IL6ST: variants seen among roughly 807,000 people sequenced by gnomAD.
The protein encoded by IL6ST is interleukin 6 cytokine family signal transducer, also known as interleukin-6 receptor subunit beta.
A neutral mutation model predicts 91.3 loss-of-function variants in IL6ST; 24 were observed. That is an observed-to-expected ratio of 0.26 (90% CI 0.19 to 0.37). IL6ST has a LOEUF of 0.37. IL6ST is among the 10% of genes least tolerant of loss of function. IL6ST has a pLI of 1.00. For synonymous variants in IL6ST, 351 were observed against 373.6 expected, an observed-to-expected ratio of 0.94 and a Z score of 0.70; for missense variants, 914 against 1,078.5, an observed-to-expected ratio of 0.85 and a Z score of 2.14.
At chr5:55,952,403 G>T in intron 11 of IL6ST, 52 bp from the exon 12 acceptor site, 2 of 970,394 alleles carry the variant, frequency 2.1e-6, no homozygotes, top group Non-Finnish European at 3.2e-6. Context: ...AAAAAGTCAA[G>T]TTAATACCGT....
intron 4 of IL6ST, among the ~76,000 whole-genome samples, chr5:55,968,661 C>A (rs9292106): frequency 0.085 from 12,904 of 152,150 alleles, 1,849 homozygotes; most frequent in African/African-American, 0.29. Flanking sequence ...AATCAACTTT[C>A]ATTTATAACT....
intron 8 of IL6ST, among the ~76,000 whole-genome samples, chr5:55,957,913 A>G (rs185780339): frequency 6.6e-6 from 1 of 152,374 alleles, no homozygotes; most frequent in Admixed American, 6.5e-5. Flanking sequence ...GCTGAAAATC[A>G]AACTGGAAAA....
intron 8 of IL6ST, among the ~76,000 whole-genome samples, chr5:55,960,071 A>C (rs2111742542): frequency 6.6e-6 from 1 of 152,038 alleles, no homozygotes; most frequent in East Asian, 1.9e-4. Context: ...TTTTTAATAG[A>C]GAAGGGGTTT....
rs1465629454 is a variant in IL6ST at position 55,941,764 on chromosome 5, C to T, written c.2075G>A (p.Ser692Asn). The change falls in exon 17 of 17, where the codon AGT becomes AAT. Residue 692 changes from serine (S) to asparagine (N), a missense_variant. Ser to Asn is a conservative substitution (Grantham distance 46). Coordinates refer to ENST00000381298, the MANE Select transcript of IL6ST (RefSeq NM_002184.4). ...MYSDGNFTDV[S>N]VVEIEANDKK... ...GTCATTTGCTTCTATTTCCACAACACTTACATCAGTGAAATTGCCATCTGA... is the reference window on the plus strand; with the variant it reads ...GTCATTTGCTTCTATTTCCACAACATTTACATCAGTGAAATTGCCATCTGA... The T allele has an allele frequency of 1.2e-6, 2 of 1,613,596 alleles. No homozygotes were observed. The highest frequency in any genetic ancestry group is 1.7e-6 in the Non-Finnish European group (2 of 1,179,720).
intron 5 of IL6ST, among the ~76,000 whole-genome samples, chr5:55,967,386 T>C (rs1398465129): frequency 6.9e-6 from 1 of 144,764 alleles, no homozygotes; most frequent in East Asian, 2.1e-4. Flanking sequence ...TATAACAGTT[T>C]AACAACTGAA....
chr5:55,942,997 C>CA (rs2111599324), intron 15 of IL6ST, among the ~76,000 whole-genome samples: 1 of 152,174 alleles, frequency 6.6e-6, no homozygotes, highest in Non-Finnish European at 1.5e-5. Context: ...AATCAGTGTT[C>CA]AAATTTTTTT....
chr5:55,981,432 C>T (rs979614913), intron 2 of IL6ST, among the ~76,000 whole-genome samples: 2 of 152,124 alleles, frequency 1.3e-5, no homozygotes, highest in Non-Finnish European at 2.9e-5. Flanking sequence ...ATGACAAGGT[C>T]AGGAGTTCAA....
chr5:55,980,352 C>T (rs1238487861), intron 2 of IL6ST, among the ~76,000 whole-genome samples: 1 of 152,158 alleles, frequency 6.6e-6, no homozygotes, highest in Admixed American at 6.5e-5. Flanking sequence ...GAGTTCCAGA[C>T]CAGCCTGGCC....
rs771343969 is a variant in IL6ST at position 55,954,875 on chromosome 5, T to C, written c.1385A>G (p.Asp462Gly). 1.9e-6 allele frequency: 3 copies of C among 1,613,726 alleles called. No individual in the cohort carries two copies. The highest frequency in any genetic ancestry group is 4.5e-5 in the East Asian group (2 of 44,872). Residue 462 changes from aspartate to glycine, a missense_variant, in exon 11 of 17, where the codon GAT becomes GGT. Transcript: ENST00000381298. Reference sequence around the variant, plus strand: ...CCAGTCTGTGATACAGGGTGCTTTATCTGATAACACACACCACTCAAGTAT... The same window carrying C: ...CCAGTCTGTGATACAGGGTGCTTTACCTGATAACACACACCACTCAAGTAT... ...KYILEWCVLS[D>G]KAPCITDWQQ... is the part of the protein sequence containing the mutation.
At chr5:55,977,997 T>A (rs1042951088) in intron 2 of IL6ST, among the ~76,000 whole-genome samples, 4 of 142,448 alleles carry the variant, frequency 2.8e-5, no homozygotes, top group South Asian at 2.2e-4. Context: ...AAATTCTATT[T>A]AAAAAAAAAA....
At chr5:55,968,539 G>T (rs1436981953) in intron 4 of IL6ST, 143 bp from the exon 5 acceptor site, 1 of 674,556 alleles carries the variant, frequency 1.5e-6, no homozygotes. Flanking sequence ...ATGAAAGGCT[G>T]ATGACAATTT....
At chr5:55,977,957 C>G (rs1331887974) in intron 2 of IL6ST, among the ~76,000 whole-genome samples, 1 of 151,740 alleles carries the variant, frequency 6.6e-6, no homozygotes, top group African/African-American at 2.4e-5. Flanking sequence ...TGAGATGGCA[C>G]CACTGCACTC....
In IL6ST at chr5:55,947,595, A is replaced by T. The variant is rs1751351096; in HGVS notation, c.1841-6T>A. The T allele has an allele frequency of 4.5e-6, 4 of 893,870 alleles. No individual in the cohort carries two copies. The highest frequency in any genetic ancestry group is 6.2e-6 in the Non-Finnish European group (4 of 649,196). 55.4% of individuals were successfully genotyped at this position (893,870 alleles called of 1,614,324 possible). On this transcript the variant is annotated splice_region_variant and splice_polypyrimidine_tract_variant and intron_variant, in intron 14 of 16. Coordinates refer to ENST00000381298, the MANE Select transcript of IL6ST (RefSeq NM_002184.4). ...GGCTTCAATTTCTCCTTGAGCTTAAAAAAAAAAAAAAAAAAAAAAAAAGAG... is the reference window on the plus strand; with the variant it reads ...GGCTTCAATTTCTCCTTGAGCTTAATAAAAAAAAAAAAAAAAAAAAAAGAG...
intron 2 of IL6ST, among the ~76,000 whole-genome samples, chr5:55,977,792 C>T (rs1753396806): frequency 6.6e-6 from 1 of 152,034 alleles, no homozygotes; most frequent in African/African-American, 2.4e-5. Flanking sequence ...TGCCACTGGA[C>T]TCCAGCATGG....
At chr5:55,946,746 G>C (rs965853593) in intron 15 of IL6ST, among the ~76,000 whole-genome samples, 2 of 151,712 alleles carry the variant, frequency 1.3e-5, no homozygotes, top group Non-Finnish European at 2.9e-5. Flanking sequence ...GAACTCAGGA[G>C]GTAGAGGTTG....
At chr5:55,969,997 G>T in intron 3 of IL6ST, 142 bp from the exon 4 acceptor site, 2 of 530,900 alleles carry the variant, frequency 3.8e-6, no homozygotes, top group South Asian at 3.4e-5. Context: ...ATACACAACT[G>T]AAAATTAATA....
rs746268250 is a variant in IL6ST at position 55,955,002 on chromosome 5, A to G, written c.1268-10T>C. ...ATTACAGGGTGAGTAGCTTTAAAACAAAGTTTGAATATTGAAATAATAAAT... is the reference window on the plus strand; with the variant it reads ...ATTACAGGGTGAGTAGCTTTAAAACGAAGTTTGAATATTGAAATAATAAAT... On this transcript the variant is annotated splice_polypyrimidine_tract_variant and intron_variant, in intron 10 of 16. Coordinates refer to ENST00000381298, the MANE Select transcript of IL6ST (RefSeq NM_002184.4). 4.5e-6 allele frequency: 7 copies of G among 1,552,768 alleles called. No homozygotes were observed. The highest frequency in any genetic ancestry group is 1.4e-5 in the African/African-American group (1 of 72,374).
intron 4 of IL6ST, 111 bp from the exon 5 acceptor site, chr5:55,968,507 C>T: frequency 2.0e-6 from 2 of 994,840 alleles, no homozygotes; most frequent in South Asian, 3.0e-5. Context: ...AAAATCAAAC[C>T]CAAGCAAAAA....
chr5:55,968,624 T>C (rs1752776624), intron 4 of IL6ST, among the ~76,000 whole-genome samples: 1 of 152,210 alleles, frequency 6.6e-6, no homozygotes, highest in East Asian at 1.9e-4. Flanking sequence ...CATCAACTGG[T>C]TTGTTTCACA....
Sources: allele counts gnomAD v4.1 joint callset (sites outside exome capture counted in the v4.1 genomes callset), GRCh38; gene constraint gnomAD v4.1.1; transcripts MANE v1.5; gene names NCBI Gene and HGNC (gene_info 2026-07-23, HGNC 2026-07-21).